The following SPATA31G1 variants were observed in gnomAD, a reference collection of about 807,000 sequenced individuals.
The protein encoded by SPATA31G1 is spermatogenesis-associated protein 31G1.
At chr9:35,043,653 C>T in the SPATA31G1 span, 1 of 1,614,172 alleles carries the variant, frequency 6.2e-7, no homozygotes, top group East Asian at 2.2e-5. Context: ...TCCGATGCCA[C>T]CCCCCTGCCA....
At chr9:35,045,570 G>A in the SPATA31G1 span, 1 of 1,614,214 alleles carries the variant, frequency 6.2e-7, no homozygotes, top group Non-Finnish European at 8.5e-7. Flanking sequence ...CAGAAGCCTA[G>A]TAGAGGCCCC....
At chr9:35,045,837 C>CAA in the SPATA31G1 span, 1 of 1,611,772 alleles carries the variant, frequency 6.2e-7, no homozygotes, top group Non-Finnish European at 8.5e-7. Flanking sequence ...CCTGGATAAC[C>CAA]ATCGACCCCT....
At chr9:35,044,457 G>C in the SPATA31G1 span, 10 of 1,614,026 alleles carry the variant, frequency 6.2e-6, no homozygotes, top group African/African-American at 1.3e-4. Context: ...CTTACCCCAA[G>C]ACCTGCATGG....
the SPATA31G1 span, chr9:35,045,513 AGGTTGG>A: frequency 6.2e-7 from 1 of 1,614,168 alleles, no homozygotes; most frequent in Non-Finnish European, 8.5e-7. Flanking sequence ...AGGGACTGCA[AGGTTGG>A]GGTTATCCAC....
the SPATA31G1 span, chr9:35,042,701 C>T: frequency 6.0e-6 from 7 of 1,160,720 alleles, no homozygotes; most frequent in South Asian, 1.5e-5. Flanking sequence ...GGGTAATGAC[C>T]ATTAACACTA....
the SPATA31G1 span, chr9:35,041,899 AATAAAG>A: frequency 5.4e-6 from 1 of 184,618 alleles, no homozygotes; most frequent in East Asian, 1.3e-4. Context: ...ATATCTATAA[AATAAAG>A]ATAATGATAT....
chr9:35,043,948 C>T, the SPATA31G1 span: 35 of 1,613,648 alleles, frequency 2.2e-5, no homozygotes, highest in African/African-American at 3.7e-4. Context: ...CTCTCTGGAA[C>T]CAGCCCTGAA....
the SPATA31G1 span, chr9:35,043,697 T>C: frequency 1.2e-6 from 2 of 1,614,206 alleles, no homozygotes; most frequent in Non-Finnish European, 8.5e-7. Flanking sequence ...CCAGAAAAGT[T>C]AGCCCTGAAG....
At chr9:35,041,126 G>A in the SPATA31G1 span, 1 of 454,724 alleles carries the variant, frequency 2.2e-6, no homozygotes, top group African/African-American at 2.0e-5. Context: ...ACAAAGGAAG[G>A]AGGAAGTTAA....
the SPATA31G1 span, chr9:35,043,881 G>A: frequency 1.2e-6 from 2 of 1,614,168 alleles, no homozygotes; most frequent in Non-Finnish European, 1.7e-6. Flanking sequence ...GGAATGCAGA[G>A]AAAACTCAGG....
At chr9:35,044,222 T>A in the SPATA31G1 span, 112 of 1,614,010 alleles carry the variant, frequency 6.9e-5, no homozygotes, top group Non-Finnish European at 9.1e-5. Context: ...ACAGAATCAA[T>A]CCTGGGGAAT....
At chr9:35,043,209 C>T in the SPATA31G1 span, 2 of 1,614,234 alleles carry the variant, frequency 1.2e-6, no homozygotes, top group East Asian at 2.2e-5. Context: ...GAGAAAAAGC[C>T]AGCTCTTCTG....
chr9:35,043,255 C>T, the SPATA31G1 span: 1 of 1,614,094 alleles, frequency 6.2e-7, no homozygotes. Flanking sequence ...TCCTTGGAGG[C>T]CATCTTCCTG....
the SPATA31G1 span, chr9:35,044,341 A>T: frequency 2.4e-5 from 38 of 1,613,872 alleles, no homozygotes; most frequent in South Asian, 4.2e-4. Context: ...CTTGCACCGG[A>T]GCTGCTCAGA....
chr9:35,043,443 C>A, the SPATA31G1 span: 3 of 1,614,108 alleles, frequency 1.9e-6, no homozygotes, highest in East Asian at 6.7e-5. Context: ...CGATCCTCAG[C>A]TGCTTCCACC....
At chr9:35,042,095 A>G in the SPATA31G1 span, 1 of 1,129,394 alleles carries the variant, frequency 8.9e-7, no homozygotes, top group Non-Finnish European at 1.2e-6. Context: ...GATCACCCAC[A>G]TTTCACTGTG....
the SPATA31G1 span, chr9:35,043,942 C>G: frequency 1.2e-6 from 2 of 1,613,750 alleles, no homozygotes; most frequent in South Asian, 2.2e-5. Flanking sequence ...CCAGAGCTCT[C>G]TGGAACCAGC....
chr9:35,045,386 A>T, the SPATA31G1 span: 1 of 1,614,040 alleles, frequency 6.2e-7, no homozygotes, highest in Admixed American at 1.7e-5. Flanking sequence ...CAGGCCCAGG[A>T]GAACCCTCAA....
At chr9:35,041,990 CAG>C in the SPATA31G1 span, 15 of 390,828 alleles carry the variant, frequency 3.8e-5, no homozygotes, top group East Asian at 1.6e-4. Flanking sequence ...AGGAAAATGA[CAG>C]AGCTATGATT....
Sources: gnomAD v4.1 joint callset for allele counts on GRCh38, gnomAD v4.1.1 for gene constraint, MANE v1.5 for transcripts, NCBI Gene and HGNC (gene_info 2026-07-23, HGNC 2026-07-21) for gene names.